The following HHLA2 variants were observed in gnomAD, a reference collection of about 807,000 sequenced individuals.
HHLA2 encodes HHLA2 member of B7 family, also known as HERV-H LTR-associating protein 2.
HHLA2 carries 48 observed loss-of-function variants against 45.9 expected under a neutral mutation model. The observed-to-expected ratio is 1.05, with a 90% CI of 0.83 to 1.33. The LOEUF (loss-of-function observed/expected upper bound fraction) is 1.33, where lower values mean the gene tolerates loss of function less well. Ranked by LOEUF, HHLA2 falls within the 40% of genes most tolerant of loss-of-function variation. The probability of loss-of-function intolerance (pLI) is 0.00; values close to 1 mark genes in which losing one functional copy is unlikely to be tolerated. For synonymous variants in HHLA2, 161 were observed against 173.9 expected (o/e 0.93, Z 0.59); for missense variants, 462 against 494.3 (o/e 0.93, Z 0.62).
intron 8 of HHLA2, among the ~76,000 whole-genome samples, chr3:108,373,899 C>A (rs1421606860): frequency 3.3e-5 from 5 of 150,786 alleles, no homozygotes; most frequent in Admixed American, 2.0e-4. Context: ...AATGGCCATA[C>A]TGCCCAAGGT....
At chr3:108,336,875 A>G (rs2107401193) in intron 3 of HHLA2, among the ~76,000 whole-genome samples, 1 of 152,182 alleles carries the variant, frequency 6.6e-6, no homozygotes, top group East Asian at 1.9e-4. Context: ...AATACCTAAT[A>G]CCAGTTCTGG....
At chr3:108,354,381 T>G (rs560969333) in intron 5 of HHLA2, among the ~76,000 whole-genome samples, 68 of 151,784 alleles carry the variant, frequency 4.5e-4, no homozygotes, top group Middle Eastern at 3.5e-3. Flanking sequence ...ATATAATATA[T>G]TAACTGTATT....
exon 10 of HHLA2, chr3:108,376,515 T>G: frequency 6.2e-7 from 1 of 1,612,406 alleles, no homozygotes; most frequent in South Asian, 1.1e-5. Context: ...TCCCTCCTGG[T>G]GAGCGCTGTC....
At chr3:108,367,631 A>C (rs140823562) in intron 8 of HHLA2, among the ~76,000 whole-genome samples, 223 of 152,160 alleles carry the variant, frequency 1.5e-3, no homozygotes, top group African/African-American at 5.0e-3. Context: ...ACTTACTGAA[A>C]TAAGGTGTGA....
At position 108,343,554 on chromosome 3, in the gene HHLA2, T is replaced by C. The variant is rs539622746; in HGVS notation, c.-26-8234T>C. ...CTTAATAAAAGCTCTAAGCAGTCTA[T>C]GCAGGTAGGAGTAAGTCTTATAAAG... On this transcript the variant is annotated intron_variant, in intron 3 of 10. Coordinates refer to ENST00000619531, the Ensembl canonical transcript of HHLA2. Among the ~76,000 whole-genome samples, 13 of 152,328 alleles carry C rather than the reference T, an allele frequency of 8.5e-5. No individual in the cohort carries two copies. In the South Asian group the frequency reaches 2.5e-3, roughly 29 times the overall value.
chr3:108,376,967 T>C, intron 10 of HHLA2: 2 of 388,774 alleles, frequency 5.1e-6, no homozygotes, highest in South Asian at 4.8e-5. Context: ...GCATTCCTTT[T>C]AGTATTTATG....
intron 1 of HHLA2, among the ~76,000 whole-genome samples, chr3:108,308,658 A>G (rs1304491090): frequency 6.6e-6 from 1 of 152,226 alleles, no homozygotes; most frequent in East Asian, 1.9e-4. Flanking sequence ...TTTTCTCCAC[A>G]TCCTTGCCAG....
At chr3:108,336,305 G>A (rs1408627137) in intron 3 of HHLA2, among the ~76,000 whole-genome samples, 4 of 152,112 alleles carry the variant, frequency 2.6e-5, no homozygotes, top group African/African-American at 7.2e-5. Context: ...CCACTGGTTA[G>A]GCACTGAACT....
intron 8 of HHLA2, among the ~76,000 whole-genome samples, chr3:108,363,262 G>A (rs772287474): frequency 6.6e-6 from 1 of 152,120 alleles, no homozygotes; most frequent in Non-Finnish European, 1.5e-5. Context: ...AGGAATCCAG[G>A]AAGTTAGCTT....
At position 108,363,475 on chromosome 3, in the gene HHLA2, CT is replaced by C. The variant is rs1386937727; in HGVS notation, c.1108+1030del. 2.0e-5 allele frequency among the ~76,000 whole-genome samples: 3 copies of C among 152,220 alleles called. No homozygotes were observed. In the East Asian group the frequency reaches 5.8e-4, roughly 29 times the overall value. Reference sequence around the variant, plus strand: ...TCTGGTTGATATTTGGCTATTGCCCCTGCTGAAGTTAGGAGATTAGGGTTAT... The same window carrying C: ...TCTGGTTGATATTTGGCTATTGCCCCGCTGAAGTTAGGAGATTAGGGTTAT... On this transcript the variant is annotated intron_variant, in intron 8 of 10. Coordinates refer to ENST00000619531, the Ensembl canonical transcript of HHLA2.
chr3:108,335,405 T>A (rs907478325), intron 3 of HHLA2, among the ~76,000 whole-genome samples: 2 of 152,174 alleles, frequency 1.3e-5, no homozygotes, highest in African/African-American at 2.4e-5. Flanking sequence ...CAACTACCAC[T>A]GACTATAAGT....
chr3:108,303,142 T>TC (rs2080876777), intron 1 of HHLA2, among the ~76,000 whole-genome samples: 1 of 152,238 alleles, frequency 6.6e-6, no homozygotes, highest in Non-Finnish European at 1.5e-5. Flanking sequence ...ATCAACAGAT[T>TC]CAATTCTGTC....
intron 8 of HHLA2, among the ~76,000 whole-genome samples, chr3:108,369,591 G>A (rs2082130336): frequency 6.6e-6 from 1 of 152,180 alleles, no homozygotes; most frequent in African/African-American, 2.4e-5. Flanking sequence ...GACGGCATCT[G>A]GAAAATTGGG....
At chr3:108,356,321 T>C (rs1576163372) in intron 6 of HHLA2, among the ~76,000 whole-genome samples, 1 of 152,146 alleles carries the variant, frequency 6.6e-6, no homozygotes, top group Non-Finnish European at 1.5e-5. Context: ...TGAGCCACCG[T>C]GCCCAGCCTG....
intron 6 of HHLA2, among the ~76,000 whole-genome samples, chr3:108,356,698 G>C (rs942331841): frequency 1.3e-5 from 2 of 152,190 alleles, no homozygotes; most frequent in Non-Finnish European, 2.9e-5. Flanking sequence ...TCATTGAAAA[G>C]CTATTACGTG....
At chr3:108,329,911 C>A (rs2081354857) in intron 3 of HHLA2, among the ~76,000 whole-genome samples, 1 of 152,180 alleles carries the variant, frequency 6.6e-6, no homozygotes. Context: ...GGACAGGAAT[C>A]TGGGAGCAGC....
chr3:108,319,896 T>C (rs192641007), intron 2 of HHLA2, among the ~76,000 whole-genome samples: 83 of 152,332 alleles, frequency 5.4e-4, no homozygotes, highest in African/African-American at 1.8e-3. Flanking sequence ...TAACCATCCC[T>C]GTGGAGCAGA....
intron 3 of HHLA2, among the ~76,000 whole-genome samples, chr3:108,337,906 A>T (rs557352825): frequency 6.6e-6 from 1 of 152,244 alleles, no homozygotes; most frequent in African/African-American, 2.4e-5. Flanking sequence ...CTCACCTTAA[A>T]TGATACAAAA....
chr3:108,352,282 G>A (rs1447765274), intron 4 of HHLA2, among the ~76,000 whole-genome samples: 3 of 152,086 alleles, frequency 2.0e-5, no homozygotes, highest in Non-Finnish European at 4.4e-5. Context: ...TAGAGAGATC[G>A]ACAGTCACTC....
Sources: gnomAD v4.1 joint callset for allele counts (sites outside exome capture counted in the v4.1 genomes callset) on GRCh38, gnomAD v4.1.1 for gene constraint, MANE v1.5 for transcripts, NCBI Gene and HGNC (gene_info 2026-07-23, HGNC 2026-07-21) for gene names.